The following DYNLT2 variants were observed in gnomAD, a reference collection of about 807,000 sequenced individuals.
The protein encoded by DYNLT2 is dynein light chain Tctex-type 2, also known as dynein light chain Tctex-type protein 2.
Under a neutral mutation model 24.3 loss-of-function variants are expected in DYNLT2, and 24 were observed. The observed-to-expected ratio is 0.99, with a 90% CI of 0.71 to 1.39. DYNLT2 has a LOEUF of 1.39. Ranked by LOEUF, DYNLT2 falls within the 40% of genes most tolerant of loss-of-function variation. DYNLT2 has a pLI of 0.00. For synonymous variants in DYNLT2, 85 were observed against 85.4 expected, an observed-to-expected ratio of 1.00 and a Z score of 0.03; for missense variants, 246 against 234.5, an observed-to-expected ratio of 1.05 and a Z score of -0.32.
chr6:169,729,096 A>G, the DYNLT2 span, among the ~76,000 whole-genome samples: 1 of 152,244 alleles, frequency 6.6e-6, no homozygotes, highest in Non-Finnish European at 1.5e-5. Flanking sequence ...CAACTTCAAC[A>G]CTTCACCCGA....
chr6:169,738,926 A>G (rs1418700279), downstream of DYNLT2: 1 of 152,174 alleles, frequency 6.6e-6, no homozygotes, highest in African/African-American at 2.4e-5. Context: ...GGCAGGAATC[A>G]TATTTCAGCT....
downstream of DYNLT2, among the ~76,000 whole-genome samples, chr6:169,736,760 T>C (rs957829495): frequency 6.6e-6 from 1 of 152,204 alleles, no homozygotes; most frequent in Non-Finnish European, 1.5e-5. Flanking sequence ...TTCCTTCATT[T>C]TAACTTCAGA....
intron 1 of DYNLT2, among the ~76,000 whole-genome samples, chr6:169,748,775 G>A (rs1305882176): frequency 1.3e-5 from 2 of 152,170 alleles, no homozygotes; most frequent in Non-Finnish European, 2.9e-5. Flanking sequence ...AGGAAATGGG[G>A]CATTCGTGTG....
At position 169,751,531 on chromosome 6, in the gene DYNLT2, G is replaced by A. The variant is rs1585327483; in HGVS notation, c.-73C>T. 19 of 1,610,334 alleles carry A rather than the reference G, an allele frequency of 1.2e-5. No homozygotes were observed. In the South Asian group the frequency reaches 1.8e-4, roughly 15 times the overall value. On this transcript the variant is annotated 5_prime_UTR_variant, in exon 1 of 4. Coordinates refer to ENST00000366774, the MANE Select transcript of DYNLT2 (RefSeq NM_174910.3). ...GGTCAAACGCCCTAGCCAGTCCCGC[G>A]AGGGCGGAAGTCTCCCACCTGCGCC...
At chr6:169,742,360 C>A (rs1789697320) in intron 3 of DYNLT2, among the ~76,000 whole-genome samples, 3 of 152,160 alleles carry the variant, frequency 2.0e-5, no homozygotes, top group African/African-American at 7.2e-5. Flanking sequence ...TTATCCCTAT[C>A]ATTTTATTTC....
intron 1 of DYNLT2, among the ~76,000 whole-genome samples, chr6:169,745,635 G>A (rs763822403): frequency 9.2e-5 from 14 of 152,070 alleles, no homozygotes; most frequent in Non-Finnish European, 1.6e-4. Flanking sequence ...ACTTGGCCTC[G>A]GTGTCAAATC....
chr6:169,746,190 T>C (rs546675047), intron 1 of DYNLT2, among the ~76,000 whole-genome samples: 14 of 152,328 alleles, frequency 9.2e-5, no homozygotes, highest in African/African-American at 3.4e-4. Context: ...ATAGATTTTA[T>C]TGATCTTTTC....
At chr6:169,729,307 G>C in the DYNLT2 span, among the ~76,000 whole-genome samples, 9 of 150,884 alleles carry the variant, frequency 6.0e-5, no homozygotes, top group African/African-American at 2.2e-4. Flanking sequence ...TGTGTAGGCC[G>C]AGGTCTCATC....
At chr6:169,745,210 A>G (rs1789769463) in intron 1 of DYNLT2, among the ~76,000 whole-genome samples, 1 of 152,000 alleles carries the variant, frequency 6.6e-6, no homozygotes, top group Non-Finnish European at 1.5e-5. Context: ...CTTCTGCCTC[A>G]GCCTCCTGAG....
At chr6:169,729,724 TG>T in the DYNLT2 span, among the ~76,000 whole-genome samples, 107 of 152,306 alleles carry the variant, frequency 7.0e-4, 4 homozygotes, top group South Asian at 0.022. Flanking sequence ...GTCCCCATGA[TG>T]GGGATTAATA....
the DYNLT2 span, among the ~76,000 whole-genome samples, chr6:169,734,855 A>G: frequency 2.6e-5 from 4 of 152,192 alleles, no homozygotes; most frequent in Non-Finnish European, 5.9e-5. Context: ...ATAGTTTCAG[A>G]AGGAATGGTA....
chr6:169,728,643 T>G, the DYNLT2 span, among the ~76,000 whole-genome samples: 12 of 152,220 alleles, frequency 7.9e-5, no homozygotes, highest in African/African-American at 2.7e-4. Flanking sequence ...TACTGCTACG[T>G]AGACATATCA....
chr6:169,734,406 T>C, the DYNLT2 span, among the ~76,000 whole-genome samples: 69 of 152,330 alleles, frequency 4.5e-4, no homozygotes, highest in African/African-American at 1.6e-3. Flanking sequence ...TTCAATATGA[T>C]ATTGGCTGTG....
intron 1 of DYNLT2, among the ~76,000 whole-genome samples, chr6:169,747,104 TGTTA>T (rs1442278433): frequency 6.6e-6 from 1 of 151,842 alleles, no homozygotes; most frequent in Non-Finnish European, 1.5e-5. Flanking sequence ...AATTCTAGGT[TGTTA>T]GTCATTTTCT....
downstream of DYNLT2, among the ~76,000 whole-genome samples, chr6:169,736,986 A>G (rs1014629000): frequency 6.6e-6 from 1 of 152,088 alleles, no homozygotes; most frequent in Non-Finnish European, 1.5e-5. Flanking sequence ...ATGAAGTCCC[A>G]TATTTCTTGG....
At chr6:169,748,369 G>T (rs138592927) in intron 1 of DYNLT2, among the ~76,000 whole-genome samples, 254 of 151,746 alleles carry the variant, frequency 1.7e-3, no homozygotes, top group Non-Finnish European at 2.9e-3. Context: ...TTAAGGTGGG[G>T]GCAATATTGG....
At chr6:169,739,670 A>G (rs1315643256), downstream of DYNLT2, among the ~76,000 whole-genome samples, 1 of 152,206 alleles carries the variant, frequency 6.6e-6, no homozygotes, top group Admixed American at 6.5e-5. Context: ...CACACTTGTA[A>G]GCAGTTTGGC....
At chr6:169,727,190 A>T in the DYNLT2 span, among the ~76,000 whole-genome samples, 2 of 152,204 alleles carry the variant, frequency 1.3e-5, no homozygotes, top group African/African-American at 4.8e-5. Context: ...TCAGAAACTA[A>T]ATTAAAGCAG....
At chr6:169,727,320 T>C in the DYNLT2 span, among the ~76,000 whole-genome samples, 3 of 152,168 alleles carry the variant, frequency 2.0e-5, no homozygotes, top group South Asian at 6.2e-4. Flanking sequence ...GGGATGTTTT[T>C]AAGATGGAAG....
Sources: allele counts gnomAD v4.1 joint callset (sites outside exome capture counted in the v4.1 genomes callset), GRCh38; gene constraint gnomAD v4.1.1; transcripts MANE v1.5; gene names NCBI Gene and HGNC (gene_info 2026-07-23, HGNC 2026-07-21).